The following PHF10 variants were observed in gnomAD, a reference collection of about 807,000 sequenced individuals.
PHF10 encodes BRG1-associated factor 45a.
A neutral mutation model predicts 68.5 loss-of-function variants in PHF10; 51 were observed. That is an observed-to-expected ratio of 0.74 (90% CI 0.59 to 0.94). The LOEUF is 0.94. Among genes scored for constraint, PHF10 ranks in the 40% least tolerant of loss-of-function variants. The probability of loss-of-function intolerance (pLI) is 0.00; values close to 1 mark genes in which losing one functional copy is unlikely to be tolerated. For synonymous variants in PHF10, 204 were observed against 203.5 expected (o/e 1.00, Z -0.02); for missense variants, 460 against 602.6 (o/e 0.76, Z 2.48).
At chr6:169,720,675 A>G (rs1365314458) in intron 2 of PHF10, among the ~76,000 whole-genome samples, 2 of 152,176 alleles carry the variant, frequency 1.3e-5, no homozygotes, top group Non-Finnish European at 2.9e-5. Context: ...TTATTGCTTA[A>G]TGGTTATAAA....
chr6:169,706,070 G>A (rs1415787865), intron 9 of PHF10, among the ~76,000 whole-genome samples: 1 of 152,056 alleles, frequency 6.6e-6, no homozygotes, highest in Non-Finnish European at 1.5e-5. Context: ...AGTAGCAAAT[G>A]ACCATTATGT....
chr6:169,721,457 A>T (rs1426092331), intron 1 of PHF10, among the ~76,000 whole-genome samples: 1 of 152,234 alleles, frequency 6.6e-6, no homozygotes, highest in Admixed American at 6.5e-5. Flanking sequence ...TACAGTTCTC[A>T]ATTCAACTTG....
chr6:169,705,516 T>C, intron 10 of PHF10, 100 bp downstream of exon 10: 1 of 783,656 alleles, frequency 1.3e-6, no homozygotes, highest in Non-Finnish European at 2.2e-6. Context: ...GTATTTAATT[T>C]GGTGACTCTT....
chr6:169,707,323 T>C (rs1788824884), intron 9 of PHF10: 1 of 152,188 alleles, frequency 6.6e-6, no homozygotes, highest in South Asian at 2.1e-4. Context: ...TGTGTGTTCC[T>C]ATACCTAAAT....
chr6:169,706,374 G>A (rs192531475), intron 9 of PHF10, among the ~76,000 whole-genome samples: 1 of 152,128 alleles, frequency 6.6e-6, no homozygotes, highest in East Asian at 1.9e-4. Context: ...ACTATAAAAT[G>A]TAAAATTATA....
At chr6:169,705,553 A>G (rs1321365584) in intron 10 of PHF10, 63 bp downstream of exon 10, 2 of 940,030 alleles carry the variant, frequency 2.1e-6, no homozygotes, top group African/African-American at 3.2e-5. Flanking sequence ...GAAACTATAA[A>G]TTCTAGTTTT....
intron 6 of PHF10, among the ~76,000 whole-genome samples, chr6:169,715,491 C>T (rs189156073): frequency 3.3e-5 from 5 of 152,092 alleles, no homozygotes; most frequent in Admixed American, 3.3e-4. Context: ...CGCCTGAACC[C>T]GGGAGGCGGA....
intron 9 of PHF10, among the ~76,000 whole-genome samples, chr6:169,706,581 G>T (rs1014142200): frequency 1.3e-5 from 2 of 152,128 alleles, no homozygotes; most frequent in Non-Finnish European, 2.9e-5. Flanking sequence ...ATTACCAGGG[G>T]AGGGAGGGCA....
At chr6:169,723,443 G>A (rs894993548) in intron 1 of PHF10, among the ~76,000 whole-genome samples, 6 of 152,222 alleles carry the variant, frequency 3.9e-5, no homozygotes, top group Non-Finnish European at 7.3e-5. Flanking sequence ...GGTTTTTGCA[G>A]TAAGCGTTCA....
intron 1 of PHF10, among the ~76,000 whole-genome samples, chr6:169,721,380 G>A (rs912636520): frequency 1.3e-5 from 2 of 152,136 alleles, no homozygotes; most frequent in Non-Finnish European, 2.9e-5. Flanking sequence ...TCAAACTGCT[G>A]CATCACTCTA....
chr6:169,720,053 A>G (rs1789140937), intron 2 of PHF10, among the ~76,000 whole-genome samples: 1 of 152,132 alleles, frequency 6.6e-6, no homozygotes. Context: ...GGCCAAGCAG[A>G]TGAAAAGATG....
intron 1 of PHF10, among the ~76,000 whole-genome samples, chr6:169,723,627 C>G (rs994076215): frequency 6.6e-6 from 1 of 152,168 alleles, no homozygotes; most frequent in Non-Finnish European, 1.5e-5. Flanking sequence ...TCGGGGAAGC[C>G]GCGCCGCGTC....
chr6:169,713,591 T>A (rs1013034640), intron 7 of PHF10, among the ~76,000 whole-genome samples: 2 of 140,476 alleles, frequency 1.4e-5, no homozygotes, highest in Non-Finnish European at 3.0e-5. Context: ...AGCGTGAGAC[T>A]CCATCTCAAA....
intron 9 of PHF10, among the ~76,000 whole-genome samples, chr6:169,706,412 C>G (rs530914580): frequency 1.3e-5 from 2 of 150,206 alleles, no homozygotes; most frequent in South Asian, 4.2e-4. Flanking sequence ...TTCAGACAAG[C>G]AAAAAAAAAT....
intron 7 of PHF10, among the ~76,000 whole-genome samples, chr6:169,714,484 A>G (rs1438266825): frequency 6.6e-6 from 1 of 152,226 alleles, no homozygotes. Flanking sequence ...CAGAACCCCC[A>G]GCATCTGTCT....
chr6:169,704,985 A>T lies in PHF10; in HGVS notation c.1411+148T>A. The T allele has an allele frequency of 5.8e-6, 3 of 513,570 alleles. No individual in the cohort carries two copies. In the East Asian group the frequency reaches 9.5e-5, roughly 16 times the overall value. 31.8% of individuals were successfully genotyped at this position (513,570 alleles called of 1,614,324 possible). ...TTGTCTAGGGATGAAAAGCTGGTGG[A>T]CATGACCTGTATAATCACAGCTTTG... On this transcript the variant is annotated intron_variant, in intron 11 of 11. Transcript: ENST00000339209.
Position 169,724,173 on chromosome 6 carries a change from TGGGA to T in PHF10, c.-246_-243del, listed in dbSNP as rs2128332226. 7.1e-6 allele frequency: 1 copy of T among 140,648 alleles called. No individual in the cohort carries two copies. Among genetic ancestry groups the T allele is most frequent in the Non-Finnish European group, 1.5e-5 (1 of 64,528 alleles). The allele number at this position is 140,648 out of a possible 1,614,324, so 8.7% of individuals were successfully genotyped here. ...GCCCGCGCGGGAGGGCGCCAAAGGC[TGGGA>T]GGGCGCGGGGCTGCGGGCCGGAATG... On this transcript the variant is annotated 5_prime_UTR_variant, in exon 1 of 12. Coordinates refer to ENST00000339209, the MANE Select transcript of PHF10 (RefSeq NM_018288.4).
At chr6:169,711,080 AAC>A (rs1183251101) in intron 8 of PHF10, among the ~76,000 whole-genome samples, 10 of 152,282 alleles carry the variant, frequency 6.6e-5, no homozygotes, top group East Asian at 1.9e-4. Context: ...CTCCCTGATA[AAC>A]ACACACTGAC....
intron 7 of PHF10, among the ~76,000 whole-genome samples, chr6:169,714,470 G>A (rs527866184): frequency 6.6e-6 from 1 of 152,290 alleles, no homozygotes; most frequent in East Asian, 1.9e-4. Flanking sequence ...GCAGTGAGGT[G>A]CTACAGAACC....
Sources: gnomAD v4.1 joint callset for allele counts (sites outside exome capture counted in the v4.1 genomes callset) on GRCh38, gnomAD v4.1.1 for gene constraint, MANE v1.5 for transcripts, NCBI Gene and HGNC (gene_info 2026-07-23, HGNC 2026-07-21) for gene names.